GRIK4: variants seen among roughly 807,000 people sequenced by gnomAD.
The protein encoded by GRIK4 is glutamate receptor ionotropic, kainate 4.
In GRIK4, 40 loss-of-function variants were observed where a neutral mutation model predicts 104.9. The ratio of observed to expected loss-of-function variants is 0.38; its 90% CI spans 0.30 to 0.50. GRIK4 has a LOEUF of 0.50. GRIK4 is among the 20% of genes least tolerant of loss of function. GRIK4 has a pLI of 0.93. For missense variants in GRIK4, 1,047 were observed against 1,308.1 expected (o/e 0.80, Z 3.08); for synonymous variants, 485 against 524.9 (o/e 0.92, Z 1.04).
intron 11 of GRIK4, among the ~76,000 whole-genome samples, chr11:120,896,501 G>A (rs1348688149): frequency 1.3e-5 from 2 of 152,186 alleles, no homozygotes; most frequent in Non-Finnish European, 2.9e-5. Context: ...GGGAGCATTT[G>A]GTCATCTCCC....
At chr11:120,915,696 A>G (rs991745540) in intron 13 of GRIK4, among the ~76,000 whole-genome samples, 1 of 152,042 alleles carries the variant, frequency 6.6e-6, no homozygotes, top group African/African-American at 2.4e-5. Flanking sequence ...CCTTGCTCAC[A>G]TGTCTTCCTA....
chr11:120,779,647 GTAA>G (rs35343601), intron 3 of GRIK4, among the ~76,000 whole-genome samples: 2 of 151,800 alleles, frequency 1.3e-5, no homozygotes, highest in African/African-American at 2.4e-5. Flanking sequence ...CATCTGCAAA[GTAA>G]TAATAATAAT....
chr11:120,576,505 G>A (rs1383859272), intron 1 of GRIK4: 1 of 152,210 alleles, frequency 6.6e-6, no homozygotes, highest in Non-Finnish European at 1.5e-5. Context: ...GGAGAAGCAA[G>A]AGAGGGATCC....
At chr11:120,526,643 A>C (rs1947860779) in intron 1 of GRIK4, among the ~76,000 whole-genome samples, 1 of 152,172 alleles carries the variant, frequency 6.6e-6, no homozygotes, top group African/African-American at 2.4e-5. Flanking sequence ...GACCGGCCTG[A>C]CCAACATGGT....
chr11:120,809,572 C>G (rs960289028), intron 4 of GRIK4, among the ~76,000 whole-genome samples: 3 of 152,264 alleles, frequency 2.0e-5, no homozygotes, highest in African/African-American at 7.2e-5. Context: ...GGGATCATTT[C>G]AGTTCAGTTG....
chr11:120,963,976 T>TTTATTTATTTATTTA (rs1555104843), intron 18 of GRIK4, among the ~76,000 whole-genome samples: 1 of 13,858 alleles, frequency 7.2e-5, no homozygotes, highest in Non-Finnish European at 1.2e-4. Flanking sequence ...TTTTTATTTA[T>TTTATTTATTTATTTA]TTATTTATTT....
At chr11:120,788,132 G>A (rs1462920306) in intron 3 of GRIK4, among the ~76,000 whole-genome samples, 3 of 151,810 alleles carry the variant, frequency 2.0e-5, no homozygotes, top group Non-Finnish European at 4.4e-5. Flanking sequence ...GCCTCCCAAA[G>A]TGCTGGGATT....
At chr11:120,787,144 T>C (rs78005863) in intron 3 of GRIK4, among the ~76,000 whole-genome samples, 31 of 87,942 alleles carry the variant, frequency 3.5e-4, no homozygotes, top group African/African-American at 9.7e-4. Context: ...ATAGTAGGAC[T>C]CTTTTTTTTT....
chr11:120,613,721 C>G (rs1949068560), intron 1 of GRIK4, among the ~76,000 whole-genome samples: 1 of 152,182 alleles, frequency 6.6e-6, no homozygotes, highest in African/African-American at 2.4e-5. Context: ...GCTCCAGGTC[C>G]TGGGGCAGGG....
At chr11:120,898,120 T>C (rs1270425728) in intron 11 of GRIK4, among the ~76,000 whole-genome samples, 5 of 152,180 alleles carry the variant, frequency 3.3e-5, no homozygotes, top group Non-Finnish European at 5.9e-5. Context: ...TTCTCTCCAG[T>C]ATAGCCTTCT....
chr11:120,922,074 G>A lies in GRIK4; in HGVS notation c.1476+16581G>A, dbSNP rs144011658. Among the ~76,000 whole-genome samples, 67 of 152,252 alleles carry A rather than the reference G, an allele frequency of 4.4e-4. 1 individual carries two copies. The highest frequency in any genetic ancestry group is 1.4e-3 in the African/African-American group (58 of 41,558). ...ACTCCCAACACTGTGCTCAACTCCC[G>A]TGGCTCCCTATGTCACCTTCTGTGC... On this transcript the variant is annotated intron_variant, in intron 13 of 20. Transcript: ENST00000527524.
intron 3 of GRIK4, among the ~76,000 whole-genome samples, chr11:120,667,612 G>C (rs1183137514): frequency 6.6e-6 from 1 of 152,240 alleles, no homozygotes; most frequent in Non-Finnish European, 1.5e-5. Flanking sequence ...TCGGCTCGGT[G>C]GGTAGTGTGG....
intron 3 of GRIK4, among the ~76,000 whole-genome samples, chr11:120,717,215 A>T (rs1183844003): frequency 6.6e-6 from 1 of 152,190 alleles, no homozygotes; most frequent in Non-Finnish European, 1.5e-5. Context: ...GGTCACAGCC[A>T]TTGCAAGGTA....
At position 120,903,269 on chromosome 11, in the gene GRIK4, C is replaced by G. The variant is rs190877444; in HGVS notation, c.1273-2021C>G. On this transcript the variant is annotated intron_variant, in intron 12 of 20. Transcript: ENST00000527524. This position sits in a 1 kb window ranked among gnomAD's most constrained non-coding sequence, Gnocchi z 4.4. ...GGGCCTTGGTAATCCCTGAGCCCAG[C>G]TCTCCTCTGTCCCTGTCGCATCCCC... Among the ~76,000 whole-genome samples the G allele has an allele frequency of 5.3e-5, 8 of 152,300 alleles. No individual in the cohort carries two copies. Among genetic ancestry groups the G allele is most frequent in the Admixed American group, 5.2e-4 (8 of 15,294 alleles).
chr11:120,793,325 C>CAGGG (rs1952437169), intron 3 of GRIK4, among the ~76,000 whole-genome samples: 1 of 151,888 alleles, frequency 6.6e-6, no homozygotes, highest in South Asian at 2.1e-4. Context: ...GAGGGCACAG[C>CAGGG]TGGTCAGGGT....
chr11:120,597,324 G>A lies in GRIK4; in HGVS notation c.-158-56361G>A, dbSNP rs146281149. On this transcript the variant is annotated intron_variant, in intron 1 of 20. Coordinates refer to ENST00000527524, the MANE Select transcript of GRIK4 (RefSeq NM_014619.5). ...ATGAGGAGATGATGTTTCCCGCAGA[G>A]GGTTCTGGGGAGGATGCAGTGAGAT... Among the ~76,000 whole-genome samples the A allele has an allele frequency of 5.8e-3, 880 of 152,348 alleles. 18 individuals are homozygous for A. The highest frequency in any genetic ancestry group is 0.04 in the Admixed American group (611 of 15,306).
chr11:120,903,263 G>A lies in GRIK4; in HGVS notation c.1273-2027G>A, dbSNP rs7123915. 0.076 allele frequency among the ~76,000 whole-genome samples: 11,532 copies of A among 152,058 alleles called. 1,481 individuals carry two copies. Among genetic ancestry groups the A allele is most frequent in the African/African-American group, 0.26 (10,910 of 41,418 alleles). On this transcript the variant is annotated intron_variant, in intron 12 of 20. Transcript: ENST00000527524. This position sits in a 1 kb window ranked among gnomAD's most constrained non-coding sequence, Gnocchi z 4.4. ...GCAGCCGGGCCTTGGTAATCCCTGA[G>A]CCCAGCTCTCCTCTGTCCCTGTCGC...
At chr11:120,593,181 C>CAAA (rs563165078) in intron 1 of GRIK4, among the ~76,000 whole-genome samples, 16 of 102,232 alleles carry the variant, frequency 1.6e-4, no homozygotes, top group Admixed American at 5.0e-4. Flanking sequence ...GACTCTGTCT[C>CAAA]AAAAAAAAAA....
chr11:120,718,393 C>T (rs926736814), intron 3 of GRIK4, among the ~76,000 whole-genome samples: 3 of 152,224 alleles, frequency 2.0e-5, no homozygotes, highest in African/African-American at 4.8e-5. Context: ...TTGCCAGTTT[C>T]CATTTTCCCT....
Sources: allele counts gnomAD v4.1 joint callset (sites outside exome capture counted in the v4.1 genomes callset), GRCh38; gene constraint gnomAD v4.1.1; non-coding constraint Gnocchi (gnomAD v3.1); transcripts MANE v1.5; gene names NCBI Gene and HGNC (gene_info 2026-07-23, HGNC 2026-07-21).